The following SEM1 variants were observed in gnomAD, a reference collection of about 807,000 sequenced individuals.
SEM1 encodes SEM1 26S proteasome subunit.
A neutral mutation model predicts 12.7 loss-of-function variants in SEM1; 3 were observed. That is an observed-to-expected ratio of 0.24 (90% CI 0.11 to 0.61). The LOEUF is 0.61. Among genes scored for constraint, SEM1 ranks in the 20% least tolerant of loss-of-function variants. The pLI, the probability that SEM1 is intolerant of heterozygous loss-of-function variation, is 0.88. For synonymous variants in SEM1, 30 were observed against 27.8 expected, an observed-to-expected ratio of 1.08 and a Z score of -0.25; for missense variants, 59 against 81.3, an observed-to-expected ratio of 0.73 and a Z score of 1.06.
At chr7:96,687,550 G>A (rs982562050), downstream of SEM1, among the ~76,000 whole-genome samples, 13 of 151,192 alleles carry the variant, frequency 8.6e-5, no homozygotes, top group South Asian at 2.1e-4. Flanking sequence ...ACCAAACACC[G>A]CATGTTCTCA....
intron 2 of SEM1, among the ~76,000 whole-genome samples, chr7:96,570,772 G>A (rs1339491158): frequency 2.0e-5 from 3 of 152,084 alleles, no homozygotes; most frequent in Non-Finnish European, 4.4e-5. Context: ...TTGAGGAATC[G>A]CTACACTGTC....
chr7:96,697,501 G>C (rs1184416825), intron 1 of SEM1: 1 of 151,966 alleles, frequency 6.6e-6, no homozygotes, highest in East Asian at 1.9e-4. Flanking sequence ...ATGAAATATA[G>C]CATTTTTGAG....
chr7:96,558,601 C>T (rs1016103436), intron 2 of SEM1, among the ~76,000 whole-genome samples: 2 of 151,914 alleles, frequency 1.3e-5, no homozygotes, highest in Non-Finnish European at 2.9e-5. Context: ...TCTACGAAGA[C>T]AGAAAAGAAG....
At chr7:96,577,643 C>T (rs1406849891) in intron 2 of SEM1, among the ~76,000 whole-genome samples, 1 of 151,590 alleles carries the variant, frequency 6.6e-6, no homozygotes, top group African/African-American at 2.4e-5. Context: ...CTTGGAAAAC[C>T]CAGAGCTCAG....
At chr7:96,602,842 C>T (rs1308294932) in intron 2 of SEM1, among the ~76,000 whole-genome samples, 1 of 152,114 alleles carries the variant, frequency 6.6e-6, no homozygotes, top group Non-Finnish European at 1.5e-5. Flanking sequence ...CAATCTTGCT[C>T]AGCTTTGAAA....
exon 4 of SEM1, chr7:96,483,915 G>A (rs1157676846): frequency 6.5e-7 from 1 of 1,536,592 alleles, no homozygotes; most frequent in Non-Finnish European, 8.7e-7. Flanking sequence ...TGGCAGCCAG[G>A]CAGGCAAGAA....
chr7:96,618,471 A>G (rs1014430344), downstream of SEM1, among the ~76,000 whole-genome samples: 1 of 152,216 alleles, frequency 6.6e-6, no homozygotes, highest in African/African-American at 2.4e-5. Flanking sequence ...TTTTTGAAAT[A>G]GAGTTTATAA....
chr7:96,650,583 A>G, intron 2 of SEM1: 1 of 711,844 alleles, frequency 1.4e-6, no homozygotes, highest in South Asian at 1.5e-5. Flanking sequence ...AAATAACAAC[A>G]ACAACACTGT....
downstream of SEM1, chr7:96,622,476 T>C (rs1394678410): frequency 4.6e-5 from 28 of 607,560 alleles, 1 homozygote; most frequent in South Asian, 5.8e-4. Flanking sequence ...TTCTAAATAG[T>C]AGTAGTATTT....
intron 2 of SEM1, among the ~76,000 whole-genome samples, chr7:96,522,726 C>A (rs35106053): frequency 0.31 from 44,579 of 145,260 alleles, 8,223 homozygotes; most frequent in East Asian, 0.67. Context: ...AAAAATACCC[C>A]CCCCCCAAAA....
rs1441266752 is a variant in SEM1 at position 96,661,984 on chromosome 7, G to A, written c.170+32814C>T. The stretch of plus-strand genomic sequence containing the variant: ...GCCTAGGCAACAAGAGCAAAACTCC[G>A]TCTCAAAAAAAAAAAAAAAAAAAAA... On this transcript the variant is annotated intron_variant, in intron 2 of 2. Coordinates refer to the SEM1 transcript ENST00000417009. 2.0e-4 allele frequency among the ~76,000 whole-genome samples: 22 copies of A among 110,872 alleles called. No homozygotes were observed. The South Asian group carries it at 2.6e-3, about 13-fold the overall frequency. 72.7% of individuals were successfully genotyped at this position (110,872 alleles called of 152,430 possible).
chr7:96,612,461 G>A (rs1375686760), intron 2 of SEM1, among the ~76,000 whole-genome samples: 2 of 152,124 alleles, frequency 1.3e-5, no homozygotes, highest in Admixed American at 1.3e-4. Context: ...TCTCAGAGTT[G>A]GGAGGAATGT....
intron 2 of SEM1, among the ~76,000 whole-genome samples, chr7:96,567,207 A>G (rs533437065): frequency 1.3e-5 from 2 of 151,700 alleles, no homozygotes; most frequent in Admixed American, 6.6e-5. Flanking sequence ...AATAAAAGGT[A>G]TATCATTATA....
intron 2 of SEM1, among the ~76,000 whole-genome samples, chr7:96,507,696 G>A (rs1290682556): frequency 6.6e-6 from 1 of 152,020 alleles, no homozygotes; most frequent in East Asian, 1.9e-4. Context: ...CTCCTGGTGA[G>A]GTTAGATGAG....
intron 2 of SEM1, among the ~76,000 whole-genome samples, chr7:96,513,275 C>A (rs1803989011): frequency 6.6e-6 from 1 of 152,008 alleles, no homozygotes; most frequent in Non-Finnish European, 1.5e-5. Context: ...AAGGAACCAA[C>A]CCTGACAGCA....
intron 2 of SEM1, among the ~76,000 whole-genome samples, chr7:96,585,816 C>G (rs1424842493): frequency 6.6e-6 from 1 of 152,158 alleles, no homozygotes; most frequent in Non-Finnish European, 1.5e-5. Flanking sequence ...ATGCCTCGCC[C>G]TGCTTCGGCT....
rs1347709307 is a variant in SEM1 at position 96,693,788 on chromosome 7, GTGTATA to G, written c.170+1004_170+1009del. On this transcript the variant is annotated intron_variant, in intron 2 of 2. Coordinates refer to ENST00000248566, the MANE Select transcript of SEM1 (RefSeq NM_006304.2). ...TGTGTGTGTGTGTGTGTGTGTGTGTGTGTATATATATATATATAAAATTTCTTTTCA... is the reference window on the plus strand; with the variant it reads ...TGTGTGTGTGTGTGTGTGTGTGTGTGTATATATATATAAAATTTCTTTTCA... Among the ~76,000 whole-genome samples, 457 of 147,974 alleles carry G rather than the reference GTGTATA, an allele frequency of 3.1e-3. 2 individuals are homozygous for G. Among genetic ancestry groups the G allele is most frequent in the African/African-American group, 0.011 (429 of 39,582 alleles).
At chr7:96,526,526 G>C (rs1432956926) in intron 2 of SEM1, among the ~76,000 whole-genome samples, 6 of 152,088 alleles carry the variant, frequency 3.9e-5, no homozygotes, top group Admixed American at 3.9e-4. Context: ...AAGGGTCCTG[G>C]CAGCTTCCTT....
intron 2 of SEM1, among the ~76,000 whole-genome samples, chr7:96,541,254 T>C: frequency 6.6e-6 from 1 of 151,916 alleles, no homozygotes; most frequent in East Asian, 1.9e-4. Flanking sequence ...CAGCATCTGC[T>C]GTTCTTGGAC....
Sources: allele counts gnomAD v4.1 joint callset (sites outside exome capture counted in the v4.1 genomes callset), GRCh38; gene constraint gnomAD v4.1.1; transcripts MANE v1.5; gene names NCBI Gene and HGNC (gene_info 2026-07-23, HGNC 2026-07-21).